SLC17A1: variants seen among roughly 807,000 people sequenced by gnomAD.
The protein encoded by SLC17A1 is solute carrier family 17 member 1, also known as sodium-dependent phosphate transport protein 1.
Under a neutral mutation model 53.5 loss-of-function variants are expected in SLC17A1, and 51 were observed. The ratio of observed to expected loss-of-function variants is 0.95; its 90% CI spans 0.76 to 1.20. The LOEUF is 1.20. SLC17A1 is among the 50% of genes most tolerant of loss of function. SLC17A1 has a pLI of 0.00. For synonymous variants in SLC17A1, 179 were observed against 198.8 expected (o/e 0.90, Z 0.84); for missense variants, 538 against 568.2 (o/e 0.95, Z 0.54).
the SLC17A1 span, among the ~76,000 whole-genome samples, chr6:25,772,497 T>A: frequency 3.0e-4 from 46 of 152,144 alleles, no homozygotes; most frequent in African/African-American, 1.1e-3. Flanking sequence ...TAAGATTTCT[T>A]AAGATTCTAA....
chr6:25,789,620 A>T (rs1763458601), intron 12 of SLC17A1, among the ~76,000 whole-genome samples: 1 of 152,116 alleles, frequency 6.6e-6, no homozygotes, highest in South Asian at 2.1e-4. Context: ...ACACAGGGAC[A>T]TCTTTGTGGT....
chr6:25,752,969 CAA>C, the SLC17A1 span, among the ~76,000 whole-genome samples: 5 of 146,524 alleles, frequency 3.4e-5, no homozygotes, highest in African/African-American at 1.3e-4. Context: ...CAAAAAAAAA[CAA>C]AAAAAAAACA....
intron 10 of SLC17A1, among the ~76,000 whole-genome samples, chr6:25,809,049 A>G (rs1312317710): frequency 6.6e-6 from 1 of 152,062 alleles, no homozygotes; most frequent in African/African-American, 2.4e-5. Flanking sequence ...CATATGCACA[A>G]TGGAATACTA....
intron 12 of SLC17A1, 119 bp downstream of exon 12, chr6:25,798,663 TG>T: frequency 2.4e-6 from 2 of 832,626 alleles, no homozygotes; most frequent in Non-Finnish European, 3.5e-6. Flanking sequence ...AGGCTTAACA[TG>T]GTCTCCTCTT....
At chr6:25,811,296 T>A (rs1250429831) in intron 10 of SLC17A1, 102 bp downstream of exon 10, 2 of 1,302,566 alleles carry the variant, frequency 1.5e-6, no homozygotes, top group Non-Finnish European at 1.1e-6. Context: ...ATTTTAGCCA[T>A]TCCACAAAGT....
chr6:25,750,776 T>C, the SLC17A1 span, among the ~76,000 whole-genome samples: 2 of 151,628 alleles, frequency 1.3e-5, no homozygotes, highest in African/African-American at 4.8e-5. Flanking sequence ...GTTATGTCAC[T>C]TGTGTGTGTG....
downstream of SLC17A1, among the ~76,000 whole-genome samples, chr6:25,778,650 G>GA (rs1763136778): frequency 6.6e-6 from 1 of 152,130 alleles, no homozygotes; most frequent in Non-Finnish European, 1.5e-5. Context: ...GAAATCTATG[G>GA]AAGTAAAATA....
At chr6:25,775,109 C>T in the SLC17A1 span, among the ~76,000 whole-genome samples, 1 of 152,116 alleles carries the variant, frequency 6.6e-6, no homozygotes, top group Non-Finnish European at 1.5e-5. Flanking sequence ...GCAGGTGGAT[C>T]ATCTGAGGTC....
chr6:25,766,129 T>A, the SLC17A1 span, among the ~76,000 whole-genome samples: 1 of 150,470 alleles, frequency 6.6e-6, no homozygotes, highest in Admixed American at 6.6e-5. Flanking sequence ...ATATTTAAAA[T>A]ATAATTGAAT....
At chr6:25,758,877 G>T in the SLC17A1 span, among the ~76,000 whole-genome samples, 1 of 151,980 alleles carries the variant, frequency 6.6e-6, no homozygotes, top group Non-Finnish European at 1.5e-5. Context: ...AGTTCCTTGA[G>T]GTGTAAACTT....
At chr6:25,736,668 G>C in the SLC17A1 span, among the ~76,000 whole-genome samples, 2 of 152,150 alleles carry the variant, frequency 1.3e-5, no homozygotes, top group Non-Finnish European at 2.9e-5. Flanking sequence ...TATCAGACCA[G>C]TGGGATGGGC....
At chr6:25,804,227 G>C (rs1408180850) in intron 10 of SLC17A1, among the ~76,000 whole-genome samples, 3 of 152,062 alleles carry the variant, frequency 2.0e-5, no homozygotes, top group Admixed American at 2.0e-4. Flanking sequence ...AAGGGATTGA[G>C]GTCTTATCTA....
At chr6:25,731,622 TAAAG>T in the SLC17A1 span, among the ~76,000 whole-genome samples, 1 of 152,190 alleles carries the variant, frequency 6.6e-6, no homozygotes, top group Non-Finnish European at 1.5e-5. Flanking sequence ...AGTTTAGACT[TAAAG>T]ATAACCATGT....
At position 25,785,836 on chromosome 6, in the gene SLC17A1, G is replaced by A. The variant is rs577956302; in HGVS notation, c.*3-2618C>T. Among the ~76,000 whole-genome samples the A allele has an allele frequency of 2.0e-5, 3 of 152,266 alleles. No homozygotes were observed. The East Asian group carries it at 5.8e-4, about 29-fold the overall frequency. On this transcript the variant is annotated intron_variant, in intron 12 of 12. Transcript: ENST00000244527. ...AAAAAAAAGAAACATAACAAGTGTT[G>A]ATGAGGATATGGAGAATTGGAATTC...
At position 25,819,578 on chromosome 6, in the gene SLC17A1, C is replaced by G. The variant is rs778392058; in HGVS notation, c.462G>C (p.Gln154His). 1.5e-5 allele frequency: 24 copies of G among 1,613,922 alleles called. No homozygotes were observed. The highest frequency in any genetic ancestry group is 1.9e-5 in the Non-Finnish European group (22 of 1,179,898). ...GAGCCCATTTGACATATATTTCAAA[C>G]TGGGCTGTTGCAACTATCCCCTGAA... ...GAAQGIVATA[Q>H]FEIYVKWAPP... The change falls in exon 5 of 13, where the codon CAG (glutamine) becomes CAC (histidine). Residue 154 changes from glutamine to histidine, a missense_variant. Coordinates refer to ENST00000244527, the MANE Select transcript of SLC17A1 (RefSeq NM_005074.5).
At chr6:25,816,529 G>T (rs1366554602) in intron 6 of SLC17A1, among the ~76,000 whole-genome samples, 1 of 152,272 alleles carries the variant, frequency 6.6e-6, no homozygotes, top group Non-Finnish European at 1.5e-5. Context: ...AGAGGGGCTA[G>T]AATGGGCTAT....
At chr6:25,814,416 G>C (rs1055644348) in intron 6 of SLC17A1, among the ~76,000 whole-genome samples, 2 of 152,218 alleles carry the variant, frequency 1.3e-5, no homozygotes, top group South Asian at 4.1e-4. Flanking sequence ...TTTTCAAAAT[G>C]AGCAAACTGA....
the SLC17A1 span, among the ~76,000 whole-genome samples, chr6:25,768,668 A>G: frequency 1.3e-5 from 2 of 151,986 alleles, no homozygotes; most frequent in African/African-American, 2.4e-5. Context: ...CTCCCAGCCA[A>G]TTCTTTCTCT....
rs1335776050 is a variant in SLC17A1, at chr6:25,819,065, C to CA, written c.616+2dup. 4 of 1,585,306 alleles carry CA rather than the reference C, an allele frequency of 2.5e-6. No individual in the cohort carries two copies. The South Asian group carries it at 4.7e-5, about 19-fold the overall frequency. ...AACTAGGATTTTACAGAAAGAGACT[C>CA]ACCAAAAATATAGAAGACCATGGGC... On this transcript the variant is annotated splice_region_variant and intron_variant, in intron 6 of 12. Transcript: ENST00000244527.
Sources: allele counts gnomAD v4.1 joint callset (sites outside exome capture counted in the v4.1 genomes callset), GRCh38; gene constraint gnomAD v4.1.1; transcripts MANE v1.5; gene names NCBI Gene and HGNC (gene_info 2026-07-23, HGNC 2026-07-21).